Variants in CELSR1 observed in about 807,000 individuals in gnomAD.
CELSR1 encodes the protein adhesion G protein-coupled receptor C1.
In CELSR1, 110 loss-of-function variants were observed where a neutral mutation model predicts 249.1. The ratio of observed to expected loss-of-function variants is 0.44; its 90% CI spans 0.38 to 0.52. The LOEUF (loss-of-function observed/expected upper bound fraction) is 0.52. Among genes scored for constraint, CELSR1 ranks in the 20% least tolerant of loss-of-function variants. The pLI is 0.00. For missense variants in CELSR1, 4,109 were observed against 4,296.4 expected, an observed-to-expected ratio of 0.96 and a Z score of 1.22; for synonymous variants, 2,113 against 1,900.0, an observed-to-expected ratio of 1.11 and a Z score of -2.92.
chr22:46,417,899 G>A lies in CELSR1; in HGVS notation c.4612-6140C>T, dbSNP rs1195313763. Among the ~76,000 whole-genome samples, 1 of 152,226 alleles carries A rather than the reference G, an allele frequency of 6.6e-6. No individual in the cohort carries two copies. The highest frequency in any genetic ancestry group is 1.5e-5 in the Non-Finnish European group (1 of 68,040). ...GCCCAAGGCCGGCGGGGGGCTCACA[G>A]GACAGCAGTGTCCACAGCATCCAAT... On this transcript the variant is annotated intron_variant, in intron 5 of 34. Coordinates refer to ENST00000674500, the MANE Select transcript of CELSR1 (RefSeq NM_001378328.1). This position sits in a 1 kb window ranked among gnomAD's most constrained non-coding sequence, Gnocchi z 4.1.
At position 46,473,687 on chromosome 22, in the gene CELSR1, A is replaced by G. The variant is rs1460729169; in HGVS notation, c.3545-9342T>C. 6.6e-6 allele frequency among the ~76,000 whole-genome samples: 1 copy of G among 152,140 alleles called. No homozygotes were observed. The highest frequency in any genetic ancestry group is 2.4e-5 in the African/African-American group (1 of 41,426). On this transcript the variant is annotated intron_variant, in intron 1 of 34. Coordinates refer to ENST00000674500, the MANE Select transcript of CELSR1 (RefSeq NM_001378328.1). The surrounding 1 kb of genome is among the most constrained non-coding windows in gnomAD (Gnocchi z 6.6). ...TTGCTGTCCAGCTGGTAAGAGACACAGGGTGCGTGCCTGTCCTTCCCGAGG... is the reference window on the plus strand; with the variant it reads ...TTGCTGTCCAGCTGGTAAGAGACACGGGGTGCGTGCCTGTCCTTCCCGAGG...
At position 46,436,831 on chromosome 22, in the gene CELSR1, T is replaced by C. The variant is rs1354702656; in HGVS notation, c.4407-542A>G. On this transcript the variant is annotated intron_variant, in intron 3 of 34. Coordinates refer to ENST00000674500, the MANE Select transcript of CELSR1 (RefSeq NM_001378328.1). The surrounding 1 kb of genome is among the most constrained non-coding windows in gnomAD (Gnocchi z 5.9). ...CAGCTGCCCCCTATGCCAGAAACAA[T>C]CTTCCCAGGCTTTGCAGATCACTCA... Among the ~76,000 whole-genome samples, 1 of 152,088 alleles carries C rather than the reference T, an allele frequency of 6.6e-6. No individual in the cohort carries two copies. Among genetic ancestry groups the C allele is most frequent in the Non-Finnish European group, 1.5e-5 (1 of 68,026 alleles).
rs781283091 is a variant in CELSR1 at position 46,464,091 on chromosome 22, G to A, written c.3799C>T (p.Pro1267Ser). The A allele has an allele frequency of 7.4e-6, 12 of 1,613,842 alleles. No individual in the cohort carries two copies. In the South Asian group the frequency reaches 1.2e-4, roughly 16 times the overall value. The part of the protein sequence containing the change: ...ILNVTFSALL[P>S]GGVRGQFFPS... ...AAGAACTGGCCGCGGACGCCGCCAGGCAGCAGCGCCGAGAAGGTCACGTTC... is the reference window on the plus strand; with the variant it reads ...AAGAACTGGCCGCGGACGCCGCCAGACAGCAGCGCCGAGAAGGTCACGTTC... The change falls in exon 2 of 35, where the codon CCT becomes TCT. Residue 1267 changes from proline (P) to serine (S), a missense_variant. Coordinates refer to ENST00000674500, the MANE Select transcript of CELSR1 (RefSeq NM_001378328.1). This position sits in a 1 kb window ranked among gnomAD's most constrained non-coding sequence, Gnocchi z 8.5.
At chr22:46,509,245 A>C (rs4823832) in intron 1 of CELSR1, among the ~76,000 whole-genome samples, 101,672 of 152,028 alleles carry the variant, frequency 0.67, 34,081 homozygotes, top group East Asian at 0.78. Flanking sequence ...GCAGACCTGC[A>C]AAGCGGGGGC....
chr22:46,382,008 T>C lies in CELSR1; in HGVS notation c.6926A>G (p.Gln2309Arg). ...LRPAGRRTTP[Q>R]TTRPGPGTER... ...GGTGCCAGGCCCCGGGCGCGTGGTC[T>C]GCGGGGTGGTCCTCCGGCCAGCCGG... is the stretch of plus-strand genomic sequence containing the variant. The change falls in exon 21 of 35, where the codon CAG becomes CGG. Residue 2309 changes from glutamine (Q) to arginine (R), a missense_variant. By Grantham distance (43) the Gln-to-Arg change is conservative. Transcript: ENST00000674500. 6.4e-7 allele frequency: 1 copy of C among 1,560,308 alleles called. No individual in the cohort carries two copies. Among genetic ancestry groups the C allele is most frequent in the Middle Eastern group, 1.7e-4 (1 of 5,984 alleles).
At chr22:46,420,864 G>A (rs2079463036) in intron 5 of CELSR1, among the ~76,000 whole-genome samples, 1 of 152,204 alleles carries the variant, frequency 6.6e-6, no homozygotes. Context: ...AAGGTGGGGA[G>A]AGGGCTGAAT....
rs2147785230 is a variant in CELSR1 at position 46,518,112 on chromosome 22, TC to T, written c.3544+15514del. ...TAGAGATGGGGTTTCTCCATGTTGG[TC>T]AGGCTGGTCTCGAACTCGTGACCTC... On this transcript the variant is annotated intron_variant, in intron 1 of 34. Transcript: ENST00000674500. This position sits in a 1 kb window ranked among gnomAD's most constrained non-coding sequence, Gnocchi z 5.2. Among the ~76,000 whole-genome samples, 1 of 152,062 alleles carries T rather than the reference TC, an allele frequency of 6.6e-6. No individual in the cohort carries two copies. The highest frequency in any genetic ancestry group is 1.5e-5 in the Non-Finnish European group (1 of 67,974).
At chr22:46,509,718 T>C (rs1469637307) in intron 1 of CELSR1, among the ~76,000 whole-genome samples, 1 of 151,962 alleles carries the variant, frequency 6.6e-6, no homozygotes, top group Non-Finnish European at 1.5e-5. Context: ...TGGCGGGGTC[T>C]GTGGGGCTCC....
chr22:46,450,336 G>C (rs1030476990), intron 2 of CELSR1, among the ~76,000 whole-genome samples: 1 of 152,268 alleles, frequency 6.6e-6, no homozygotes. Context: ...TAGAGATGGA[G>C]GGACAGACAG....
chr22:46,380,640 G>A lies in CELSR1; in HGVS notation c.7256+148C>T. On this transcript the variant is annotated intron_variant, in intron 22 of 34. Coordinates refer to ENST00000674500, the MANE Select transcript of CELSR1 (RefSeq NM_001378328.1). This position sits in a 1 kb window ranked among gnomAD's most constrained non-coding sequence, Gnocchi z 5.1. ...ATATTCCCACAGAAGCAGAGCAGGA[G>A]GCTCACTGCCCCCACGGGGGACTTA... 2.4e-6 allele frequency: 2 copies of A among 827,718 alleles called. No homozygotes were observed. Among genetic ancestry groups the A allele is most frequent in the Non-Finnish European group, 3.8e-6 (2 of 531,448 alleles). 51.3% of individuals were successfully genotyped at this position (827,718 alleles called of 1,614,324 possible).
intron 1 of CELSR1, among the ~76,000 whole-genome samples, chr22:46,524,199 T>C (rs867325280): frequency 7.2e-5 from 11 of 152,280 alleles, no homozygotes; most frequent in Middle Eastern, 3.4e-3. Flanking sequence ...GCCCTTACCA[T>C]GGGGATCCTG....
chr22:46,432,342 G>A (rs2079605444), intron 5 of CELSR1, among the ~76,000 whole-genome samples: 2 of 152,192 alleles, frequency 1.3e-5, no homozygotes, highest in Non-Finnish European at 2.9e-5. Context: ...TGTGAAAGAA[G>A]GAAGATGCTC....
chr22:46,432,359 T>G (rs923758194), intron 5 of CELSR1, among the ~76,000 whole-genome samples: 1 of 152,122 alleles, frequency 6.6e-6, no homozygotes, highest in Non-Finnish European at 1.5e-5. Context: ...GCTCTCTCCA[T>G]AGAAGGACTG....
In CELSR1 at chr22:46,441,224, G is replaced by A. The variant is rs992548544; in HGVS notation, c.4184-1813C>T. On this transcript the variant is annotated intron_variant, in intron 2 of 34. Transcript: ENST00000674500. This position sits in a 1 kb window ranked among gnomAD's most constrained non-coding sequence, Gnocchi z 6.1. ...GACATCCAATGTGAGGATACTCAGT[G>A]CATAACCCAGCATACCCTTCAAATG... Among the ~76,000 whole-genome samples, 1 of 151,898 alleles carries A rather than the reference G, an allele frequency of 6.6e-6. No individual in the cohort carries two copies. The highest frequency in any genetic ancestry group is 1.5e-5 in the Non-Finnish European group (1 of 67,994).
intron 1 of CELSR1, among the ~76,000 whole-genome samples, chr22:46,508,469 C>A (rs79309014): frequency 0.056 from 7,976 of 141,818 alleles, 281 homozygotes; most frequent in Admixed American, 0.085. Context: ...CCTCGCTGTC[C>A]CCTCACTGTC....
chr22:46,367,047 G>A lies in CELSR1; in HGVS notation c.8151C>T (p.Gly2717=), dbSNP rs375168828. 40 of 1,610,750 alleles carry A rather than the reference G, an allele frequency of 2.5e-5. No homozygotes were observed. The highest frequency in any genetic ancestry group is 1.6e-4 in the African/African-American group (12 of 74,862). The change falls in exon 29 of 35, where the codon GGC becomes GGT. Residue 2717 remains glycine (G), a synonymous_variant. Transcript: ENST00000674500. ...AGTCCTCCAGGTGCAGCTTCCTCCCGCCGAGCACGCCCTTCAGGTGCTTCC... is the reference window on the plus strand; with the variant it reads ...AGTCCTCCAGGTGCAGCTTCCTCCCACCGAGCACGCCCTTCAGGTGCTTCC... ...EVRKHLKGVL[G]GRKLHLEDSA...
rs570049260 is a variant in CELSR1 at position 46,381,149 on chromosome 22, G to A, written c.7089-194C>T. On this transcript the variant is annotated intron_variant, in intron 21 of 34. Coordinates refer to ENST00000674500, the MANE Select transcript of CELSR1 (RefSeq NM_001378328.1). This position sits in a 1 kb window ranked among gnomAD's most constrained non-coding sequence, Gnocchi z 6.0. ...GGTTTTATCACTGACAGGGCACACA[G>A]AGAGAGGTGTCACCTTTGGGTCAAA... Among the ~76,000 whole-genome samples, 1 of 152,298 alleles carries A rather than the reference G, an allele frequency of 6.6e-6. No individual in the cohort carries two copies. Among genetic ancestry groups the A allele is most frequent in the East Asian group, 1.9e-4 (1 of 5,184 alleles).
intron 19 of CELSR1, among the ~76,000 whole-genome samples, chr22:46,385,306 T>C (rs371060443): frequency 1.3e-5 from 2 of 152,116 alleles, no homozygotes; most frequent in African/African-American, 4.8e-5. Flanking sequence ...CTATGGCGCC[T>C]GGCTGGTTTC....
chr22:46,427,660 C>T lies in CELSR1; in HGVS notation c.4611+5733G>A, dbSNP rs764616490. Among the ~76,000 whole-genome samples the T allele has an allele frequency of 3.3e-5, 5 of 152,210 alleles. No homozygotes were observed. Among genetic ancestry groups the T allele is most frequent in the African/African-American group, 9.7e-5 (4 of 41,446 alleles). ...CTGTTGGCAATGGTTGTTGACGTTCCGCTGTCGGAGGACCTTATATTCTAT... is the reference window on the plus strand; with the variant it reads ...CTGTTGGCAATGGTTGTTGACGTTCTGCTGTCGGAGGACCTTATATTCTAT... On this transcript the variant is annotated intron_variant, in intron 5 of 34. Transcript: ENST00000674500. The surrounding 1 kb of genome is among the most constrained non-coding windows in gnomAD (Gnocchi z 4.2).
Sources: allele counts gnomAD v4.1 joint callset (sites outside exome capture counted in the v4.1 genomes callset), GRCh38; gene constraint gnomAD v4.1.1; non-coding constraint Gnocchi (gnomAD v3.1); transcripts MANE v1.5; gene names NCBI Gene and HGNC (gene_info 2026-07-23, HGNC 2026-07-21).